Variants in BAHD1 observed in about 807,000 individuals in gnomAD.
BAHD1 encodes the protein bromo adjacent homology domain containing 1.
In BAHD1, 20 loss-of-function variants were observed where a neutral mutation model predicts 63.1. The observed-to-expected ratio is 0.32, with a 90% CI of 0.22 to 0.46. BAHD1 has a LOEUF of 0.46. BAHD1 is among the 20% of genes least tolerant of loss of function. The probability of loss-of-function intolerance (pLI) is 1.00; values close to 1 mark genes in which losing one functional copy is unlikely to be tolerated. For synonymous variants in BAHD1, 408 were observed against 426.8 expected (o/e 0.96, Z 0.54); for missense variants, 939 against 1,071.8 (o/e 0.88, Z 1.73).
Position 40,462,376 on chromosome 15 carries a change from C to G in BAHD1, c.1815+82C>G. On this transcript the variant is annotated intron_variant, in intron 3 of 6. Coordinates refer to ENST00000416165, the MANE Select transcript of BAHD1 (RefSeq NM_014952.5). ...CCTGCAGTGAGGTAGGTGCTAGAAG[C>G]ACCTGGTTCTAGCTACTCTGAGAGC... 3 of 1,509,880 alleles carry G rather than the reference C, an allele frequency of 2.0e-6. No individual in the cohort carries two copies. In the East Asian group the frequency reaches 6.8e-5, roughly 34 times the overall value. 93.5% of individuals were successfully genotyped at this position (1,509,880 alleles called of 1,614,324 possible).
upstream of BAHD1, among the ~76,000 whole-genome samples, chr15:40,437,768 G>A (rs1893304764): frequency 6.6e-6 from 1 of 152,216 alleles, no homozygotes; most frequent in Admixed American, 6.5e-5. Flanking sequence ...TTGGATCTCA[G>A]GCCAGGCGGT....
chr15:40,444,467 A>G (rs77864341), intron 1 of BAHD1, among the ~76,000 whole-genome samples: 1 of 152,102 alleles, frequency 6.6e-6, no homozygotes, highest in Non-Finnish European at 1.5e-5. Context: ...CATTCTTTCT[A>G]CCCAGCTTTG....
rs542797142 is a variant in BAHD1 at position 40,459,259 on chromosome 15, C to T, written c.795C>T (p.Ser265=). 13 of 1,612,634 alleles carry T rather than the reference C, an allele frequency of 8.1e-6. No homozygotes were observed. The highest frequency in any genetic ancestry group is 1.6e-4 in the Middle Eastern group (1 of 6,062). Residue 265 remains serine (S), a synonymous_variant, in exon 2 of 7, where the codon AGC becomes AGT. Transcript: ENST00000416165. The stretch of plus-strand genomic sequence containing the variant: ...ATCCCAAGGCTTGGCAGGGGGCCAG[C>T]TCTGGGGAGGCTGCAGGCCCACCTG... The part of the protein sequence containing the change: ...KNYPKAWQGA[S]SGEAAGPPGW...
chr15:40,451,631 G>A lies in BAHD1; in HGVS notation c.-14-6820G>A, dbSNP rs147817246. On this transcript the variant is annotated intron_variant, in intron 1 of 6. Transcript: ENST00000416165. The stretch of plus-strand genomic sequence containing the variant: ...ACCAAGACTCAGAGTTCAAGCCATT[G>A]ACTAAGGCCACACAGGATTAGCAGT... Among the ~76,000 whole-genome samples the A allele has an allele frequency of 2.0e-4, 31 of 152,266 alleles. No individual in the cohort carries two copies. In the East Asian group the frequency reaches 4.0e-3, roughly 20 times the overall value.
chr15:40,454,444 C>G (rs542659547), intron 1 of BAHD1: 1 of 152,428 alleles, frequency 6.6e-6, no homozygotes, highest in African/African-American at 2.4e-5. Flanking sequence ...ATTTTGAGAT[C>G]CTGATGCCCC....
upstream of BAHD1, among the ~76,000 whole-genome samples, chr15:40,440,944 G>A (rs2141457114): frequency 6.6e-6 from 1 of 152,078 alleles, no homozygotes; most frequent in South Asian, 2.1e-4. Context: ...CGGAGGCTCC[G>A]CTCTCGGGGA....
rs1436881962 is a variant in BAHD1 at position 40,458,108 on chromosome 15, TGA to T, written c.-14-338_-14-337del. Among the ~76,000 whole-genome samples the T allele has an allele frequency of 3.3e-5, 5 of 152,168 alleles. No individual in the cohort carries two copies. Among genetic ancestry groups the T allele is most frequent in the African/African-American group, 1.2e-4 (5 of 41,436 alleles). On this transcript the variant is annotated intron_variant, in intron 1 of 6. Transcript: ENST00000416165. The surrounding 1 kb of genome is among the most constrained non-coding windows in gnomAD (Gnocchi z 4.7). ...TTCCTATCCTGTGATGAATATCTAG[TGA>T]GAGAAGGACAGGGGGAGAGAACAAA...
chr15:40,440,071 G>T (rs540857909), upstream of BAHD1: 1 of 152,568 alleles, frequency 6.6e-6, no homozygotes, highest in East Asian at 1.9e-4. Flanking sequence ...GGAGAGCTCT[G>T]ATGTTCCCCG....
At chr15:40,443,118 T>G in intron 1 of BAHD1, 1 of 228,896 alleles carries the variant, frequency 4.4e-6, no homozygotes, top group Non-Finnish European at 7.2e-6. Flanking sequence ...TGGATTTTGC[T>G]GAGAATCTGA....
intron 1 of BAHD1, among the ~76,000 whole-genome samples, chr15:40,455,187 G>A (rs979179058): frequency 1.2e-4 from 18 of 152,194 alleles, no homozygotes; most frequent in South Asian, 2.1e-4. Context: ...CGAGTGACAG[G>A]GGATTTGGCA....
upstream of BAHD1, among the ~76,000 whole-genome samples, chr15:40,440,749 C>T (rs914952547): frequency 3.9e-4 from 59 of 152,276 alleles, no homozygotes; most frequent in African/African-American, 1.4e-3. Flanking sequence ...CTCCCCCGGC[C>T]GCCTCGTGCT....
At chr15:40,455,656 T>TA (rs895585676) in intron 1 of BAHD1, among the ~76,000 whole-genome samples, 3 of 152,232 alleles carry the variant, frequency 2.0e-5, no homozygotes, top group Admixed American at 6.5e-5. Context: ...GCCTTCTCCT[T>TA]ACTCTGTACT....
chr15:40,464,993 T>A (rs1894159370), intron 5 of BAHD1: 1 of 400,796 alleles, frequency 2.5e-6, no homozygotes, highest in Non-Finnish European at 4.6e-6. Context: ...TGCCCTGGGC[T>A]CACCTTTTAT....
intron 4 of BAHD1, 79 bp downstream of exon 4, chr15:40,464,099 G>A (rs1314457705): frequency 2.6e-5 from 39 of 1,511,254 alleles, no homozygotes; most frequent in Non-Finnish European, 3.3e-5. Context: ...CCCCTGCCTG[G>A]AGTTTGACCT....
At chr15:40,441,992 G>C (rs1201640347) in intron 1 of BAHD1, among the ~76,000 whole-genome samples, 2 of 152,070 alleles carry the variant, frequency 1.3e-5, no homozygotes, top group African/African-American at 2.4e-5. Flanking sequence ...GGGAGGCCCT[G>C]CGGGGACCTT....
intron 1 of BAHD1, among the ~76,000 whole-genome samples, chr15:40,442,643 A>C (rs1463112354): frequency 6.6e-6 from 1 of 152,050 alleles, no homozygotes; most frequent in Non-Finnish European, 1.5e-5. Context: ...AGGACAAGAG[A>C]CACCCCACCC....
chr15:40,464,886 C>T, intron 5 of BAHD1: 1 of 401,422 alleles, frequency 2.5e-6, no homozygotes, highest in Non-Finnish European at 4.6e-6. Flanking sequence ...TTGGTATTTT[C>T]TGTAGTAGGG....
At chr15:40,463,358 C>T (rs1028965411) in intron 3 of BAHD1, among the ~76,000 whole-genome samples, 4 of 152,164 alleles carry the variant, frequency 2.6e-5, no homozygotes, top group African/African-American at 7.2e-5. Context: ...TTCTTAGATG[C>T]CAGAACTGAG....
At position 40,466,020 on chromosome 15, in the gene BAHD1, T is replaced by TCCACC. The variant is rs1566966724; in HGVS notation, c.2244_2248dup (p.Arg750ProfsTer51). 6.2e-7 allele frequency: 1 copy of TCCACC among 1,613,854 alleles called. No individual in the cohort carries two copies. The highest frequency in any genetic ancestry group is 8.5e-7 in the Non-Finnish European group (1 of 1,179,922). ...ACTGGTTCCCCCCTCTGCAGACTATTCCACCCCACCCCACCGCACAGTGCC... is the reference window on the plus strand; with the variant it reads ...ACTGGTTCCCCCCTCTGCAGACTATTCCACCCCACCCCACCCCACCGCACAGTGCC... On this transcript the variant is annotated frameshift_variant, in exon 7 of 7. Coordinates refer to ENST00000416165, the MANE Select transcript of BAHD1 (RefSeq NM_014952.5). LOFTEE classifies it high-confidence loss of function.
Sources: gnomAD v4.1 joint callset for allele counts (sites outside exome capture counted in the v4.1 genomes callset) on GRCh38, gnomAD v4.1.1 for gene constraint, Gnocchi (gnomAD v3.1) non-coding constraint, MANE v1.5 for transcripts, NCBI Gene and HGNC (gene_info 2026-07-23, HGNC 2026-07-21) for gene names.